PC: variants seen among roughly 807,000 people sequenced by gnomAD.
PC encodes the protein pyruvate carboxylase.
A neutral mutation model predicts 107.8 loss-of-function variants in PC; 46 were observed. The observed-to-expected ratio is 0.43, with a 90% CI of 0.34 to 0.55. PC has a LOEUF of 0.55. Among genes scored for constraint, PC ranks in the 20% least tolerant of loss-of-function variants. PC has a pLI of 0.04. For missense variants in PC, 1,241 were observed against 1,643.1 expected, an observed-to-expected ratio of 0.76 and a Z score of 4.23; for synonymous variants, 662 against 684.7, an observed-to-expected ratio of 0.97 and a Z score of 0.52.
chr11:66,901,904 A>C (rs1200651593), intron 3 of PC, among the ~76,000 whole-genome samples: 2 of 152,192 alleles, frequency 1.3e-5, no homozygotes, highest in Non-Finnish European at 2.9e-5. Context: ...TTTATTAAAA[A>C]TAGTGTGCAA....
chr11:66,870,921 C>A lies in PC; in HGVS notation c.634-29G>T. The A allele has an allele frequency of 6.2e-7, 1 of 1,606,918 alleles. No homozygotes were observed. On this transcript the variant is annotated intron_variant, in intron 7 of 22. Coordinates refer to ENST00000393960, the MANE Select transcript of PC (RefSeq NM_001040716.2). The surrounding 1 kb of genome is among the most constrained non-coding windows in gnomAD (Gnocchi z 6.1). ...CGAGGGCGGGCAGGGGCCAGCCAGA[C>A]CTCAGACCCCACAGCGCTACCTCTC...
At chr11:66,943,780 A>T (rs1316772114) in intron 3 of PC, among the ~76,000 whole-genome samples, 3 of 146,914 alleles carry the variant, frequency 2.0e-5, no homozygotes, top group Non-Finnish European at 4.5e-5. Context: ...AAAAAAAAAA[A>T]AAAAAGAAAT....
rs568207826 is a variant in PC, at chr11:66,884,672, A to C, written c.1-12513T>G. Reference sequence around the variant, plus strand: ...TGTGCCCCCCACACCCATATGTTGAAACCTTGATCTTGGACTTCCAGCCTC... The same window carrying C: ...TGTGCCCCCCACACCCATATGTTGACACCTTGATCTTGGACTTCCAGCCTC... On this transcript the variant is annotated intron_variant, in intron 3 of 22. Coordinates refer to ENST00000393960, the MANE Select transcript of PC (RefSeq NM_001040716.2). Among the ~76,000 whole-genome samples the C allele has an allele frequency of 1.2e-3, 184 of 152,252 alleles. 1 individual carries two copies. Among genetic ancestry groups the C allele is most frequent in the African/African-American group, 4.3e-3 (178 of 41,548 alleles).
chr11:66,918,044 A>G (rs945276818), intron 3 of PC, among the ~76,000 whole-genome samples: 1 of 152,144 alleles, frequency 6.6e-6, no homozygotes, highest in Admixed American at 6.5e-5. Flanking sequence ...CCTTTCCCCC[A>G]CAGCAGCCTG....
At chr11:66,903,664 C>T (rs1320258855) in intron 3 of PC, among the ~76,000 whole-genome samples, 1 of 143,480 alleles carries the variant, frequency 7.0e-6, no homozygotes, top group East Asian at 2.2e-4. Context: ...AGGAGAATCA[C>T]TTCAACCTGG....
At chr11:66,859,924 A>G (rs757899551) in intron 12 of PC, 9 of 1,586,488 alleles carry the variant, frequency 5.7e-6, no homozygotes, top group Non-Finnish European at 7.7e-6. Context: ...GGGGCCGGAA[A>G]TGGCCGCCTC....
rs577910150 is a variant in PC at position 66,854,488 on chromosome 11, G to C, written c.1369-1105C>G. 4.8e-4 allele frequency among the ~76,000 whole-genome samples: 73 copies of C among 152,278 alleles called. 1 individual carries two copies. Among genetic ancestry groups the C allele is most frequent in the African/African-American group, 1.8e-3 (73 of 41,562 alleles). On this transcript the variant is annotated intron_variant, in intron 12 of 22. Coordinates refer to ENST00000393960, the MANE Select transcript of PC (RefSeq NM_001040716.2). Reference sequence around the variant, plus strand: ...GTGCACTTTGTGCACAGGGGCCCTCGGTTCCACTCATTAAATGCCTGGGTG... The same window carrying C: ...GTGCACTTTGTGCACAGGGGCCCTCCGTTCCACTCATTAAATGCCTGGGTG...
intron 3 of PC, among the ~76,000 whole-genome samples, chr11:66,872,916 A>C (rs755126784): frequency 2.0e-5 from 3 of 151,990 alleles, no homozygotes; most frequent in Non-Finnish European, 2.9e-5. Flanking sequence ...ACACGCCTGT[A>C]ATTCTAGCTA....
intron 1 of PC, among the ~76,000 whole-genome samples, chr11:66,955,895 CCT>C (rs1949549971): frequency 1.3e-5 from 2 of 152,046 alleles, no homozygotes; most frequent in Admixed American, 1.3e-4. Context: ...GCCTCAGCCT[CCT>C]GAGTAGCTGG....
rs753259721 is a variant in PC, at chr11:66,870,892, C to T, written c.634G>A (p.Glu212Lys). The change falls in exon 8 of 23, where the codon GAG becomes AAG. Residue 212 changes from glutamate to lysine, a missense_variant and splice_region_variant. Transcript: ENST00000393960. This position sits in a 1 kb window ranked among gnomAD's most constrained non-coding sequence, Gnocchi z 6.1. ...GCCCGGGTGTAATTCTCCTCCAGCT[C>T]CTGCGAGGGCGGGCAGGGGCCAGCC... ...RGMRVVHSYE[E>K]LEENYTRAYS... is the part of the protein sequence containing the mutation. The T allele has an allele frequency of 6.2e-7, 1 of 1,612,230 alleles. No homozygotes were observed. Among genetic ancestry groups the T allele is most frequent in the Non-Finnish European group, 8.5e-7 (1 of 1,179,732 alleles).
rs1337654307 is a variant in PC at position 66,870,257 on chromosome 11, T to C, written c.903+45A>G. 6.2e-7 allele frequency: 1 copy of C among 1,609,250 alleles called. No individual in the cohort carries two copies. Among genetic ancestry groups the C allele is most frequent in the Non-Finnish European group, 8.5e-7 (1 of 1,179,506 alleles). On this transcript the variant is annotated intron_variant, in intron 9 of 22. Transcript: ENST00000393960. This position sits in a 1 kb window ranked among gnomAD's most constrained non-coding sequence, Gnocchi z 6.1. ...CGCCCCACTGTGAGGCCTGCCGGCC[T>C]GTGAGCACAGGCTCCTGTCCCAACA...
In PC at chr11:66,852,089, C is replaced by A; in HGVS notation, c.1826-143G>T. 1 of 853,438 alleles carries A rather than the reference C, an allele frequency of 1.2e-6. No homozygotes were observed. The highest frequency in any genetic ancestry group is 1.9e-6 in the Non-Finnish European group (1 of 535,978). The allele number at this position is 853,438 out of a possible 1,614,324, so 52.9% of individuals were successfully genotyped here. ...GCCATACCTGTGTTCCCTGCTCCAA[C>A]CCCCACAGATTTTTCCCTTGTCTGA... On this transcript the variant is annotated intron_variant, in intron 15 of 22. Coordinates refer to ENST00000393960, the MANE Select transcript of PC (RefSeq NM_001040716.2). This position sits in a 1 kb window ranked among gnomAD's most constrained non-coding sequence, Gnocchi z 4.7.
At position 66,862,660 on chromosome 11, in the gene PC, C is replaced by T. The variant is rs1244541545; in HGVS notation, c.1368+1114G>A. Among the ~76,000 whole-genome samples the T allele has an allele frequency of 3.3e-5, 5 of 152,244 alleles. No homozygotes were observed. In the South Asian group the frequency reaches 8.3e-4, roughly 25 times the overall value. ...CATTCTGAGGGTGGCTCCCACGGGA[C>T]ACGTGCTGGCTTCAAAGGCCGAGGC... is the stretch of plus-strand genomic sequence containing the variant. On this transcript the variant is annotated intron_variant, in intron 12 of 22. Coordinates refer to ENST00000393960, the MANE Select transcript of PC (RefSeq NM_001040716.2).
rs755331915 is a variant in PC at position 66,849,978 on chromosome 11, C to T, written c.2857G>A (p.Gly953Ser). The change falls in exon 20 of 23, where the codon GGT (glycine) becomes AGT (serine). Residue 953 changes from glycine (G) to serine (S), a missense_variant. Transcript: ENST00000393960. ...SVVEFLQGYI[G>S]VPHGGFPEPF... The stretch of plus-strand genomic sequence containing the variant: ...TCGGGGAACCCCCCATGGGGGACAC[C>T]GATGTAGCCCTGCAGGAACTCCACC... 1 of 1,613,606 alleles carries T rather than the reference C, an allele frequency of 6.2e-7. No homozygotes were observed. Among genetic ancestry groups the T allele is most frequent in the Non-Finnish European group, 8.5e-7 (1 of 1,180,026 alleles).
At chr11:66,948,391 GAA>G (rs2136148838) in intron 3 of PC, among the ~76,000 whole-genome samples, 1 of 152,232 alleles carries the variant, frequency 6.6e-6, no homozygotes, top group South Asian at 2.1e-4. Flanking sequence ...ATGGTTTCCT[GAA>G]GAGTGAGGAG....
At position 66,884,434 on chromosome 11, in the gene PC, T is replaced by TA. The variant is rs534369592; in HGVS notation, c.1-12276dup. ...CTCAAAAAATAATTAATCAATTAGT[T>TA]AAAAAAAAAGATTTACCTAGAAATA... On this transcript the variant is annotated intron_variant, in intron 3 of 22. Coordinates refer to ENST00000393960, the MANE Select transcript of PC (RefSeq NM_001040716.2). 4.6e-3 allele frequency among the ~76,000 whole-genome samples: 687 copies of TA among 150,896 alleles called. 3 individuals carry two copies. The highest frequency in any genetic ancestry group is 0.015 in the African/African-American group (608 of 41,046).
chr11:66,855,160 C>A (rs1945728513), intron 12 of PC, among the ~76,000 whole-genome samples: 1 of 152,200 alleles, frequency 6.6e-6, no homozygotes, highest in South Asian at 2.1e-4. Flanking sequence ...TGTGGAGGGT[C>A]CCCACTGAGT....
chr11:66,851,167 A>C lies in PC; in HGVS notation c.2096T>G (p.Val699Gly). ...CGTGTATGAGATGGCAGCCTCCACCACGCCTCCGGCACTTCCTGCCGCCTC... is the reference window on the plus strand; with the variant it reads ...CGTGTATGAGATGGCAGCCTCCACCCCGCCTCCGGCACTTCCTGCCGCCTC... ...GMEAAGSAGG[V>G]VEAAISYTGD... is the part of the protein sequence containing the mutation. The change falls in exon 17 of 23, where the codon GTG (valine) becomes GGG (glycine). Residue 699 changes from valine (V) to glycine (G), a missense_variant. Val to Gly is a moderately radical substitution (Grantham distance 109, BLOSUM62 -3). Coordinates refer to ENST00000393960, the MANE Select transcript of PC (RefSeq NM_001040716.2). The C allele has an allele frequency of 6.2e-7, 1 of 1,612,166 alleles. No individual in the cohort carries two copies. Among genetic ancestry groups the C allele is most frequent in the Non-Finnish European group, 8.5e-7 (1 of 1,180,022 alleles).
Position 66,848,917 on chromosome 11 carries a change from G to A in PC, c.3519C>T (p.Leu1173=), listed in dbSNP as rs2135781997. ...TKDMTLEGDD[L]ILEIE The stretch of plus-strand genomic sequence containing the variant: ...GGCAAGATCACTCGATCTCCAGGAT[G>A]AGGTCGTCACCTTCCAGTGTCATGT... Residue 1173 remains leucine, a synonymous_variant, in exon 23 of 23, where the codon CTC becomes CTT. Transcript: ENST00000393960. 6.2e-7 allele frequency: 1 copy of A among 1,613,924 alleles called. No homozygotes were observed. The highest frequency in any genetic ancestry group is 8.5e-7 in the Non-Finnish European group (1 of 1,180,030).
Sources: allele counts gnomAD v4.1 joint callset (sites outside exome capture counted in the v4.1 genomes callset), GRCh38; gene constraint gnomAD v4.1.1; non-coding constraint Gnocchi (gnomAD v3.1); transcripts MANE v1.5; gene names NCBI Gene and HGNC (gene_info 2026-07-23, HGNC 2026-07-21).